Variants in FSTL5 observed in about 807,000 individuals in gnomAD.
FSTL5 encodes the protein follistatin like 5, also known as follistatin-related protein 5.
FSTL5 carries 62 observed loss-of-function variants against 89.1 expected under a neutral mutation model. The observed-to-expected ratio is 0.70, with a 90% CI of 0.57 to 0.86. The LOEUF (loss-of-function observed/expected upper bound fraction) is 0.86. FSTL5 is among the 40% of genes least tolerant of loss of function. The pLI, the probability that FSTL5 is intolerant of heterozygous loss-of-function variation, is 0.00. For missense variants in FSTL5, 1,057 were observed against 1,001.6 expected, an observed-to-expected ratio of 1.06 and a Z score of -0.75; for synonymous variants, 383 against 346.2, an observed-to-expected ratio of 1.11 and a Z score of -1.18.
chr4:161,669,712 A>G (rs1186498396), intron 6 of FSTL5, among the ~76,000 whole-genome samples: 2 of 152,166 alleles, frequency 1.3e-5, no homozygotes, highest in Admixed American at 1.3e-4. Flanking sequence ...GGAGAAAACT[A>G]AATGACCTCA....
intron 4 of FSTL5, among the ~76,000 whole-genome samples, chr4:161,822,492 G>A (rs1010330658): frequency 3.3e-5 from 5 of 152,208 alleles, no homozygotes; most frequent in African/African-American, 1.2e-4. Flanking sequence ...CTGGCTAAAT[G>A]TGAGGCTGCA....
chr4:162,009,258 T>A (rs1272307536), intron 3 of FSTL5, among the ~76,000 whole-genome samples: 1 of 152,058 alleles, frequency 6.6e-6, no homozygotes, highest in Non-Finnish European at 1.5e-5. Context: ...AGCAGCAGCA[T>A]TTTAGAAGGC....
chr4:161,472,144 T>C (rs1201291132), intron 13 of FSTL5, among the ~76,000 whole-genome samples: 2 of 151,854 alleles, frequency 1.3e-5, no homozygotes, highest in Non-Finnish European at 1.5e-5. Flanking sequence ...GCCCGGCTAA[T>C]TTTTTTGTAT....
chr4:162,027,763 T>C (rs892376858), intron 3 of FSTL5, among the ~76,000 whole-genome samples: 3 of 150,564 alleles, frequency 2.0e-5, no homozygotes, highest in Admixed American at 1.3e-4. Context: ...GATTCTCTTA[T>C]TGGTAATTAA....
At chr4:161,927,629 A>T (rs943280110) in intron 3 of FSTL5, among the ~76,000 whole-genome samples, 22 of 151,760 alleles carry the variant, frequency 1.4e-4, no homozygotes, top group African/African-American at 5.3e-4. Flanking sequence ...ATCTTTTTAC[A>T]ATATACTTTT....
At chr4:161,424,065 G>T (rs1408074816) in intron 15 of FSTL5, among the ~76,000 whole-genome samples, 1 of 115,412 alleles carries the variant, frequency 8.7e-6, no homozygotes, top group African/African-American at 3.3e-5. Context: ...TTTTAGTAGA[G>T]AAGGGGTTTC....
At chr4:161,929,438 G>C (rs1166234061) in intron 3 of FSTL5, among the ~76,000 whole-genome samples, 1 of 151,586 alleles carries the variant, frequency 6.6e-6, no homozygotes, top group Non-Finnish European at 1.5e-5. Flanking sequence ...TATTCTGTCA[G>C]ATCATCTAAA....
chr4:161,900,966 A>G (rs1733345322), intron 4 of FSTL5, among the ~76,000 whole-genome samples: 2 of 152,132 alleles, frequency 1.3e-5, no homozygotes, highest in African/African-American at 2.4e-5. Context: ...TGGAGATGCT[A>G]TTTAACTCTA....
intron 12 of FSTL5, among the ~76,000 whole-genome samples, chr4:161,494,491 C>CTCT (rs1191597870): frequency 6.6e-6 from 1 of 152,150 alleles, no homozygotes; most frequent in Non-Finnish European, 1.5e-5. Context: ...ACAACAACAG[C>CTCT]AGAGAAAGAA....
chr4:161,654,626 G>C (rs1736453817), intron 7 of FSTL5, among the ~76,000 whole-genome samples: 1 of 151,976 alleles, frequency 6.6e-6, no homozygotes, highest in South Asian at 2.1e-4. Flanking sequence ...ATATATTCTG[G>C]GACATTAAAC....
At chr4:161,654,817 C>G (rs1176696386) in intron 7 of FSTL5, among the ~76,000 whole-genome samples, 1 of 152,078 alleles carries the variant, frequency 6.6e-6, no homozygotes, top group Non-Finnish European at 1.5e-5. Flanking sequence ...ATTGCCCCAC[C>G]TCATTTCCAC....
intron 15 of FSTL5, among the ~76,000 whole-genome samples, chr4:161,397,559 A>G (rs1332087980): frequency 6.6e-6 from 1 of 151,414 alleles, no homozygotes; most frequent in Non-Finnish European, 1.5e-5. Flanking sequence ...TATATCGATG[A>G]AAAAATTGAA....
chr4:161,448,613 G>A (rs945733616), intron 15 of FSTL5, among the ~76,000 whole-genome samples: 3 of 152,012 alleles, frequency 2.0e-5, no homozygotes, highest in African/African-American at 7.2e-5. Context: ...GCCAAAATGA[G>A]TGCTATAGAC....
chr4:162,063,775 AG>A (rs1294609770), intron 2 of FSTL5, among the ~76,000 whole-genome samples: 1 of 151,918 alleles, frequency 6.6e-6, no homozygotes, highest in African/African-American at 2.4e-5. Context: ...ATGCTTCTTC[AG>A]GTCATTTCCC....
At position 162,116,412 on chromosome 4, in the gene FSTL5, G is replaced by A. The variant is rs1731638043; in HGVS notation, c.-16-5000C>T. Among the ~76,000 whole-genome samples the A allele has an allele frequency of 1.3e-5, 2 of 152,234 alleles. 1 individual carries two copies. Among genetic ancestry groups the A allele is most frequent in the South Asian group, 4.1e-4 (2 of 4,832 alleles). ...TAGCATATAAAATCTCCACGTAGGT[G>A]TGGGCTTTTACCACTAAAATGAGGA... On this transcript the variant is annotated intron_variant, in intron 1 of 15. Coordinates refer to ENST00000306100, the MANE Select transcript of FSTL5 (RefSeq NM_020116.5).
At chr4:161,524,954 T>C (rs1384788780) in intron 10 of FSTL5, among the ~76,000 whole-genome samples, 1 of 147,572 alleles carries the variant, frequency 6.8e-6, no homozygotes, top group Non-Finnish European at 1.5e-5. Context: ...CAAGACTCCA[T>C]CTCAAAAAAA....
At chr4:161,840,275 A>G (rs917952507) in intron 4 of FSTL5, among the ~76,000 whole-genome samples, 5 of 152,126 alleles carry the variant, frequency 3.3e-5, no homozygotes, top group African/African-American at 1.2e-4. Flanking sequence ...GGTGAAGATA[A>G]AAGTGGAATT....
At chr4:161,767,565 A>T (rs1362704501) in intron 5 of FSTL5, among the ~76,000 whole-genome samples, 1 of 152,118 alleles carries the variant, frequency 6.6e-6, no homozygotes, top group African/African-American at 2.4e-5. Context: ...ACTGTTGGAG[A>T]AGATAGCTTA....
intron 2 of FSTL5, among the ~76,000 whole-genome samples, chr4:162,085,786 T>A (rs879454890): frequency 6.6e-6 from 1 of 152,172 alleles, no homozygotes; most frequent in Non-Finnish European, 1.5e-5. Flanking sequence ...GGTTTTTCTA[T>A]ACCTACAAGG....
Sources: allele counts gnomAD v4.1 joint callset (sites outside exome capture counted in the v4.1 genomes callset), GRCh38; gene constraint gnomAD v4.1.1; transcripts MANE v1.5; gene names NCBI Gene and HGNC (gene_info 2026-07-23, HGNC 2026-07-21).